RASA1: variants seen among roughly 807,000 people sequenced by gnomAD.
The protein encoded by RASA1 is ras GTPase-activating protein 1.
Under a neutral mutation model 132.2 loss-of-function variants are expected in RASA1, and 25 were observed. That is an observed-to-expected ratio of 0.19 (90% CI 0.14 to 0.26). RASA1 has a LOEUF of 0.26. RASA1 is among the 10% of genes least tolerant of loss of function. The probability of loss-of-function intolerance (pLI) is 1.00; values close to 1 mark genes in which losing one functional copy is unlikely to be tolerated. For missense variants in RASA1, 964 were observed against 1,299.2 expected (o/e 0.74, Z 3.97); for synonymous variants, 477 against 449.9 (o/e 1.06, Z -0.76).
At position 87,390,952 on chromosome 5, in the gene RASA1, C is replaced by T; in HGVS notation, c.*69C>T. 3 of 1,462,938 alleles carry T rather than the reference C, an allele frequency of 2.1e-6. No individual in the cohort carries two copies. The highest frequency in any genetic ancestry group is 1.7e-5 in the Admixed American group (1 of 59,534). The allele number at this position is 1,462,938 out of a possible 1,614,324, so 90.6% of individuals were successfully genotyped here. The stretch of plus-strand genomic sequence containing the variant: ...ATGGTAATTCACTTCAGTTTAATGT[C>T]TCCTTTGCTCTTGCCAAAAAATAGC... On this transcript the variant is annotated 3_prime_UTR_variant, in exon 25 of 25. Transcript: ENST00000274376.
At chr5:87,284,805 G>A (rs1038943945) in intron 1 of RASA1, among the ~76,000 whole-genome samples, 2 of 152,098 alleles carry the variant, frequency 1.3e-5, no homozygotes, top group Non-Finnish European at 1.5e-5. Flanking sequence ...ATATCCTCTA[G>A]TTAATATTAG....
In RASA1 at chr5:87,383,731, A is replaced by G. The variant is rs773449952; in HGVS notation, c.2709A>G (p.Arg903=). ...TRVVSGFVFL[R]LICPAILNPR... ...CATTCAGTGGTTTTGTTTTTCTTCGACTCATCTGTCCTGCCATCCTGAATC... is the reference window on the plus strand; with the variant it reads ...CATTCAGTGGTTTTGTTTTTCTTCGGCTCATCTGTCCTGCCATCCTGAATC... Residue 903 remains arginine, a synonymous_variant, in exon 21 of 25, where the codon CGA becomes CGG. Transcript: ENST00000274376. 6.2e-7 allele frequency: 1 copy of G among 1,609,460 alleles called. No homozygotes were observed. The highest frequency in any genetic ancestry group is 1.1e-5 in the South Asian group (1 of 89,978).
At chr5:87,346,934 C>G (rs1381303730) in intron 7 of RASA1, among the ~76,000 whole-genome samples, 1 of 151,942 alleles carries the variant, frequency 6.6e-6, no homozygotes, top group Non-Finnish European at 1.5e-5. Context: ...TCTTTTACCC[C>G]AGGCCCCTGT....
At chr5:87,352,083 T>G (rs1759316786) in intron 8 of RASA1, among the ~76,000 whole-genome samples, 1 of 151,732 alleles carries the variant, frequency 6.6e-6, no homozygotes, top group Non-Finnish European at 1.5e-5. Flanking sequence ...TTAGATTTTT[T>G]TATTAAAAAC....
intron 1 of RASA1, among the ~76,000 whole-genome samples, chr5:87,292,030 ATTG>A (rs1446738782): frequency 6.6e-6 from 1 of 152,026 alleles, no homozygotes; most frequent in East Asian, 1.9e-4. Flanking sequence ...TTGTTTTCTT[ATTG>A]TTGTGAAGAG....
At chr5:87,333,027 ATCAT>A (rs993134855) in intron 3 of RASA1, among the ~76,000 whole-genome samples, 7 of 152,156 alleles carry the variant, frequency 4.6e-5, no homozygotes, top group Non-Finnish European at 7.4e-5. Context: ...AAATGAAATG[ATCAT>A]TCATATTACG....
In RASA1 at chr5:87,391,012, G is replaced by A; in HGVS notation, c.*129G>A. 4 of 940,432 alleles carry A rather than the reference G, an allele frequency of 4.3e-6. No individual in the cohort carries two copies. Among genetic ancestry groups the A allele is most frequent in the Non-Finnish European group, 6.8e-6 (4 of 588,098 alleles). The allele number at this position is 940,432 out of a possible 1,614,324, so 58.3% of individuals were successfully genotyped here. On this transcript the variant is annotated 3_prime_UTR_variant, in exon 25 of 25. Coordinates refer to ENST00000274376, the MANE Select transcript of RASA1 (RefSeq NM_002890.3). ...CACATTCCAGTGATGTGTGAGCTATGCAAACAAAATCCAAGATTCTGCTGG... is the reference window on the plus strand; with the variant it reads ...CACATTCCAGTGATGTGTGAGCTATACAAACAAAATCCAAGATTCTGCTGG...
At chr5:87,304,882 C>T (rs1755536581) in intron 1 of RASA1, among the ~76,000 whole-genome samples, 1 of 149,182 alleles carries the variant, frequency 6.7e-6, no homozygotes, top group Non-Finnish European at 1.5e-5. Flanking sequence ...TCCATTCTTT[C>T]CTGTAGGTTA....
intron 1 of RASA1, among the ~76,000 whole-genome samples, chr5:87,278,479 G>A (rs1264897581): frequency 1.3e-5 from 2 of 152,004 alleles, no homozygotes; most frequent in African/African-American, 4.8e-5. Flanking sequence ...CTGGGAGGCA[G>A]AGTTTGCAGT....
Position 87,341,313 on chromosome 5 carries a change from A to G in RASA1, c.1041A>G (p.Glu347=), listed in dbSNP as rs765138678. ...AGGGCCGGGAAGAAGATCCACATGA[A>G]GGAAAAATGTGAGTTTGTGTTAATT... ...EEVGREEDPH[E]GKIWFHGKIS... Residue 347 remains glutamate, a synonymous_variant, in exon 6 of 25, where the codon GAA becomes GAG. Transcript: ENST00000274376. 2.6e-4 allele frequency: 359 copies of G among 1,357,574 alleles called. No homozygotes were observed. The highest frequency in any genetic ancestry group is 3.2e-4 in the Non-Finnish European group (337 of 1,047,254). The allele number at this position is 1,357,574 out of a possible 1,614,324, so 84.1% of individuals were successfully genotyped here.
In RASA1 at chr5:87,376,988, G is replaced by A; in HGVS notation, c.2292G>A (p.Lys764=). 1 of 1,613,776 alleles carries A rather than the reference G, an allele frequency of 6.2e-7. No homozygotes were observed. Among genetic ancestry groups the A allele is most frequent in the Admixed American group, 1.7e-5 (1 of 60,010 alleles). The part of the protein sequence containing the change: ...SILLRIFLHE[K]LESLLLCTLN... ...TACTGAGGATTTTTCTTCACGAAAA[G>A]CTTGAATCGTTGTTGTTATGCACAC... The change falls in exon 17 of 25, where the codon AAG becomes AAA. Residue 764 remains lysine, a synonymous_variant. Transcript: ENST00000274376.
At chr5:87,348,064 T>TC (rs1394258672) in intron 7 of RASA1, among the ~76,000 whole-genome samples, 2 of 152,034 alleles carry the variant, frequency 1.3e-5, no homozygotes, top group African/African-American at 2.4e-5. Flanking sequence ...CCTATCATAT[T>TC]CTAGAAGAAA....
chr5:87,354,740 A>G (rs1426432890), intron 9 of RASA1, among the ~76,000 whole-genome samples: 1 of 152,200 alleles, frequency 6.6e-6, no homozygotes, highest in African/African-American at 2.4e-5. Context: ...GCTGAAAGCT[A>G]GGTCTCTTGC....
chr5:87,380,756 T>TA (rs1025339915), intron 20 of RASA1, among the ~76,000 whole-genome samples, 161 bp downstream of exon 20: 4 of 151,234 alleles, frequency 2.6e-5, no homozygotes, highest in African/African-American at 7.3e-5. Context: ...AACTGAAAGT[T>TA]ACTGTGAGAT....
At chr5:87,389,080 A>AATT (rs1265836536) in intron 23 of RASA1, among the ~76,000 whole-genome samples, 12 of 152,300 alleles carry the variant, frequency 7.9e-5, no homozygotes, top group African/African-American at 2.9e-4. Context: ...GAATCTTTAG[A>AATT]ATTTTAAGAG....
intron 1 of RASA1, chr5:87,330,857 A>G (rs186610578): frequency 9.2e-6 from 7 of 763,966 alleles, no homozygotes; most frequent in Non-Finnish European, 1.3e-5. Flanking sequence ...TTAAAATAGC[A>G]TCCTTTAGAC....
intron 1 of RASA1, among the ~76,000 whole-genome samples, chr5:87,287,270 C>A (rs1055301198): frequency 1.5e-5 from 2 of 136,432 alleles, no homozygotes; most frequent in South Asian, 2.4e-4. Flanking sequence ...CCATATACAC[C>A]GTATATATAC....
At chr5:87,315,197 A>C (rs1315236180) in intron 1 of RASA1, among the ~76,000 whole-genome samples, 1 of 152,214 alleles carries the variant, frequency 6.6e-6, no homozygotes, top group Non-Finnish European at 1.5e-5. Context: ...ACTGCAGCAG[A>C]ATATCTGAAA....
intron 1 of RASA1, among the ~76,000 whole-genome samples, chr5:87,285,344 G>A (rs1047894218): frequency 6.6e-6 from 1 of 151,990 alleles, no homozygotes; most frequent in Non-Finnish European, 1.5e-5. Flanking sequence ...TGGGATTACA[G>A]GCGTGAGCCA....
Sources: allele counts gnomAD v4.1 joint callset (sites outside exome capture counted in the v4.1 genomes callset), GRCh38; gene constraint gnomAD v4.1.1; transcripts MANE v1.5; gene names NCBI Gene and HGNC (gene_info 2026-07-23, HGNC 2026-07-21).